The following ATP9B variants were observed in gnomAD, a reference collection of about 807,000 sequenced individuals.
ATP9B encodes the protein ATPase phospholipid transporting 9B, also known as probable phospholipid-transporting ATPase IIB.
A neutral mutation model predicts 146.1 loss-of-function variants in ATP9B; 110 were observed. The ratio of observed to expected loss-of-function variants is 0.75; its 90% CI spans 0.65 to 0.88. The LOEUF (loss-of-function observed/expected upper bound fraction) is 0.88. ATP9B is among the 40% of genes least tolerant of loss of function. The probability of loss-of-function intolerance (pLI) is 0.00; values close to 1 mark genes in which losing one functional copy is unlikely to be tolerated. For synonymous variants in ATP9B, 604 were observed against 569.7 expected (o/e 1.06, Z -0.86); for missense variants, 1,499 against 1,496.4 (o/e 1.00, Z -0.03).
At chr18:79,178,166 T>C (rs7504456) in intron 8 of ATP9B, among the ~76,000 whole-genome samples, 87,604 of 151,864 alleles carry the variant, frequency 0.58, 26,872 homozygotes, top group African/African-American at 0.8. Context: ...TGTGTGCATG[T>C]GGCAGTTCCT....
At chr18:79,103,418 G>A (rs1254259337) in intron 2 of ATP9B, among the ~76,000 whole-genome samples, 2 of 152,034 alleles carry the variant, frequency 1.3e-5, no homozygotes. Flanking sequence ...TGGTGATCGT[G>A]GAAGCCACAC....
chr18:79,199,921 G>GT (rs2095451722), intron 9 of ATP9B, among the ~76,000 whole-genome samples: 1 of 152,168 alleles, frequency 6.6e-6, no homozygotes, highest in Non-Finnish European at 1.5e-5. Flanking sequence ...ATAACAATGT[G>GT]TTTTTCTGGC....
intron 15 of ATP9B, among the ~76,000 whole-genome samples, chr18:79,326,718 G>A (rs1304670199): frequency 3.3e-5 from 5 of 152,248 alleles, no homozygotes; most frequent in African/African-American, 1.2e-4. Context: ...AATCATGCTA[G>A]AGGTATTCTG....
chr18:79,365,949 G>A (rs985919069), intron 26 of ATP9B, among the ~76,000 whole-genome samples: 7 of 152,244 alleles, frequency 4.6e-5, no homozygotes, highest in Non-Finnish European at 7.3e-5. Flanking sequence ...TGTGATGGAA[G>A]GACATCCTAG....
chr18:79,110,041 A>G (rs1380921774), intron 2 of ATP9B, among the ~76,000 whole-genome samples: 1 of 152,230 alleles, frequency 6.6e-6, no homozygotes, highest in African/African-American at 2.4e-5. Flanking sequence ...CTATAGCTAT[A>G]GCTATACCTT....
chr18:79,162,774 C>T (rs917735291), intron 7 of ATP9B, among the ~76,000 whole-genome samples: 1 of 152,128 alleles, frequency 6.6e-6, no homozygotes, highest in East Asian at 1.9e-4. Flanking sequence ...TTTTGTTGGC[C>T]GTATACCCTA....
chr18:79,102,364 T>A (rs1005687390), intron 2 of ATP9B, among the ~76,000 whole-genome samples: 1 of 152,148 alleles, frequency 6.6e-6, no homozygotes, highest in African/African-American at 2.4e-5. Context: ...TTTAAAAAAA[T>A]TTTTTTGGTG....
Position 79,239,887 on chromosome 18 carries a change from C to A in ATP9B, c.1108-13494C>A, listed in dbSNP as rs1237917196. Among the ~76,000 whole-genome samples the A allele has an allele frequency of 6.6e-6, 1 of 152,204 alleles. No individual in the cohort carries two copies. Among genetic ancestry groups the A allele is most frequent in the Non-Finnish European group, 1.5e-5 (1 of 68,042 alleles). Reference sequence around the variant, plus strand: ...GAGAGCATGGTTCCTGAGGGCTAAGCGTTCCCAAAGGATGAGCGGAGAGGC... The same window carrying A: ...GAGAGCATGGTTCCTGAGGGCTAAGAGTTCCCAAAGGATGAGCGGAGAGGC... On this transcript the variant is annotated intron_variant, in intron 11 of 29. Transcript: ENST00000426216. The surrounding 1 kb of genome is among the most constrained non-coding windows in gnomAD (Gnocchi z 5.1).
At chr18:79,094,234 T>A (rs1423189782) in intron 1 of ATP9B, among the ~76,000 whole-genome samples, 1 of 152,150 alleles carries the variant, frequency 6.6e-6, no homozygotes, top group Admixed American at 6.5e-5. Context: ...CTTATTTGGG[T>A]TTGGGCACAT....
chr18:79,199,824 G>A (rs68113885), intron 9 of ATP9B, among the ~76,000 whole-genome samples: 33,568 of 151,374 alleles, frequency 0.22, 4,094 homozygotes, highest in East Asian at 0.5. Context: ...AGGCCTACTC[G>A]GATCATCAGT....
chr18:79,368,455 CA>C (rs1455687094), intron 26 of ATP9B, among the ~76,000 whole-genome samples: 1 of 152,206 alleles, frequency 6.6e-6, no homozygotes, highest in Non-Finnish European at 1.5e-5. Context: ...AGTTCAAAAC[CA>C]GCCCATGTCT....
At chr18:79,129,462 AG>A (rs569819006) in intron 5 of ATP9B, among the ~76,000 whole-genome samples, 31 of 152,286 alleles carry the variant, frequency 2.0e-4, no homozygotes, top group African/African-American at 7.0e-4. Flanking sequence ...CAGGCTCCAA[AG>A]CCCAGGACAG....
chr18:79,242,929 C>T (rs1316509280), intron 11 of ATP9B, among the ~76,000 whole-genome samples: 1 of 152,138 alleles, frequency 6.6e-6, no homozygotes, highest in Non-Finnish European at 1.5e-5. Context: ...TTTATTTAAC[C>T]ATATTACCTT....
intron 4 of ATP9B, among the ~76,000 whole-genome samples, chr18:79,119,354 G>A (rs2094149684): frequency 6.6e-6 from 1 of 152,176 alleles, no homozygotes; most frequent in African/African-American, 2.4e-5. Context: ...TGTTTACCAA[G>A]ACGAGAAAAC....
At chr18:79,347,395 C>T (rs2096895716) in intron 23 of ATP9B, among the ~76,000 whole-genome samples, 1 of 152,214 alleles carries the variant, frequency 6.6e-6, no homozygotes, top group African/African-American at 2.4e-5. Context: ...TAGGGGTGTC[C>T]TCCCACAGGG....
In ATP9B at chr18:79,345,521, C is replaced by T. The variant is rs200790686; in HGVS notation, c.2566C>T (p.Arg856Cys). The change falls in exon 22 of 30, where the codon CGC becomes TGC. Residue 856 changes from arginine (R) to cysteine (C), a missense_variant. Transcript: ENST00000426216. Reference protein sequence around the residue: ...CCRCSPTQKARIVTLLQQHTG... With the variant: ...CCRCSPTQKACIVTLLQQHTG... ...CCGCTGCTCACCCACCCAGAAGGCC[C>T]GCATTGTGACACTGCTGCAGCAGCA... The T allele has an allele frequency of 1.3e-4, 204 of 1,612,416 alleles. No individual in the cohort carries two copies. The highest frequency in any genetic ancestry group is 1.6e-4 in the Middle Eastern group (1 of 6,062).
intron 10 of ATP9B, among the ~76,000 whole-genome samples, chr18:79,211,540 C>T (rs1218468942): frequency 6.6e-6 from 1 of 152,060 alleles, no homozygotes; most frequent in Non-Finnish European, 1.5e-5. Context: ...ATATTTTATG[C>T]CTCCCTTTTT....
At position 79,276,975 on chromosome 18, in the gene ATP9B, G is replaced by C. The variant is rs373760913; in HGVS notation, c.1269-79G>C. ...TGGATCACACTAACCACTGCAGTGG[G>C]TTTTATCTGGCAGTTTGGGTGTGAA... is the stretch of plus-strand genomic sequence containing the variant. On this transcript the variant is annotated intron_variant, in intron 12 of 29. Transcript: ENST00000426216. 4.9e-5 allele frequency: 76 copies of C among 1,556,376 alleles called. No homozygotes were observed. In the East Asian group the frequency reaches 9.2e-4, roughly 19 times the overall value.
chr18:79,303,635 G>A lies in ATP9B; in HGVS notation c.1443G>A (p.Lys481=), dbSNP rs1599795659. ...GTLTQNEMIF[K]RLHLGTVSYG... ...TCACCCAGAATGAAATGATATTTAA[G>A]CGGCTGCACCTGGGCACCGTGTCCT... Residue 481 remains lysine (K), a synonymous_variant, in exon 14 of 30, where the codon AAG becomes AAA. Transcript: ENST00000426216. The A allele has an allele frequency of 6.2e-7, 1 of 1,614,012 alleles. No individual in the cohort carries two copies. The highest frequency in any genetic ancestry group is 1.6e-4 in the Middle Eastern group (1 of 6,062).
Sources: gnomAD v4.1 joint callset for allele counts (sites outside exome capture counted in the v4.1 genomes callset) on GRCh38, gnomAD v4.1.1 for gene constraint, Gnocchi (gnomAD v3.1) non-coding constraint, MANE v1.5 for transcripts, NCBI Gene and HGNC (gene_info 2026-07-23, HGNC 2026-07-21) for gene names.